The following EIF4G3 variants were observed in gnomAD, a reference collection of about 807,000 sequenced individuals.
EIF4G3 encodes the protein eukaryotic translation initiation factor 4 gamma 3.
Under a neutral mutation model 186.4 loss-of-function variants are expected in EIF4G3, and 34 were observed. The observed-to-expected ratio is 0.18, with a 90% CI of 0.14 to 0.24. The LOEUF (loss-of-function observed/expected upper bound fraction) is 0.24. Among genes scored for constraint, EIF4G3 ranks in the 10% least tolerant of loss-of-function variants. The probability of loss-of-function intolerance (pLI) is 1.00; values close to 1 mark genes in which losing one functional copy is unlikely to be tolerated. For missense variants in EIF4G3, 1,536 were observed against 1,948.5 expected, an observed-to-expected ratio of 0.79 and a Z score of 3.99; for synonymous variants, 673 against 679.5, an observed-to-expected ratio of 0.99 and a Z score of 0.15.
chr1:20,911,506 A>G (rs1341580649), intron 14 of EIF4G3, among the ~76,000 whole-genome samples: 1 of 129,694 alleles, frequency 7.7e-6, no homozygotes, highest in Admixed American at 9.3e-5. Flanking sequence ...AGTTGCAGGG[A>G]GCTATGACCG....
chr1:21,080,217 A>AG (rs2095725222), intron 3 of EIF4G3, among the ~76,000 whole-genome samples: 1 of 143,992 alleles, frequency 6.9e-6, no homozygotes, highest in Admixed American at 7.1e-5. Context: ...TGGAAAGCTA[A>AG]GGGAGGAGGG....
chr1:21,000,657 A>C (rs2083303151), intron 6 of EIF4G3, among the ~76,000 whole-genome samples: 1 of 152,096 alleles, frequency 6.6e-6, no homozygotes. Context: ...AATCAAACCT[A>C]AAACAAGAAG....
chr1:20,913,800 ATTTTTTTTTTTTTT>A (rs68098768), intron 14 of EIF4G3, among the ~76,000 whole-genome samples: 1 of 75,656 alleles, frequency 1.3e-5, no homozygotes, highest in Non-Finnish European at 2.5e-5. Context: ...AATTATTAGA[ATTTTTTTTTTTTTT>A]TTTTTTTTTT....
chr1:21,021,627 CT>C (rs1358905678), intron 4 of EIF4G3, among the ~76,000 whole-genome samples: 1 of 152,118 alleles, frequency 6.6e-6, no homozygotes, highest in Non-Finnish European at 1.5e-5. Context: ...GCAATCTCGG[CT>C]CACTGCAACC....
intron 2 of EIF4G3, among the ~76,000 whole-genome samples, chr1:21,108,040 T>C (rs7537072): frequency 0.4 from 61,427 of 152,078 alleles, 12,715 homozygotes; most frequent in Non-Finnish European, 0.43. Flanking sequence ...CCCAGCTACT[T>C]AGGAGATTGA....
At chr1:21,125,760 T>TTA (rs1021310033) in intron 2 of EIF4G3, among the ~76,000 whole-genome samples, 7 of 115,456 alleles carry the variant, frequency 6.1e-5, no homozygotes, top group African/African-American at 2.5e-4. Context: ...TATAATTTTT[T>TTA]TATATATATA....
chr1:21,140,752 C>T (rs983938571), intron 2 of EIF4G3, among the ~76,000 whole-genome samples: 1 of 152,220 alleles, frequency 6.6e-6, no homozygotes, highest in Non-Finnish European at 1.5e-5. Context: ...GAAAAGCAGA[C>T]ATATCCAGGG....
intron 14 of EIF4G3, among the ~76,000 whole-genome samples, chr1:20,924,841 T>G (rs1010176420): frequency 1.3e-5 from 2 of 152,206 alleles, no homozygotes; most frequent in Admixed American, 1.3e-4. Context: ...GGATTACAGG[T>G]GTGAACCACC....
chr1:21,131,691 A>T (rs1470148464), intron 2 of EIF4G3, among the ~76,000 whole-genome samples: 1 of 152,202 alleles, frequency 6.6e-6, no homozygotes, highest in Non-Finnish European at 1.5e-5. Flanking sequence ...CACTACTTTA[A>T]AAGAGTGTGG....
Position 20,996,501 on chromosome 1 carries a change from T to C in EIF4G3, c.177+1100A>G, listed in dbSNP as rs986023925. 8.5e-5 allele frequency among the ~76,000 whole-genome samples: 13 copies of C among 152,266 alleles called. No individual in the cohort carries two copies. The South Asian group carries it at 1.9e-3, about 22-fold the overall frequency. ...TTGCTTTGCCTTTACATCCTCCAGA[T>C]TGGAAGGAATACATTTTGAAAAACA... On this transcript the variant is annotated intron_variant, in intron 7 of 36. Coordinates refer to ENST00000602326, the MANE Select transcript of EIF4G3 (RefSeq NM_001391906.1).
intron 3 of EIF4G3, among the ~76,000 whole-genome samples, chr1:21,061,114 T>G (rs1052050192): frequency 3.3e-5 from 5 of 152,208 alleles, no homozygotes; most frequent in African/African-American, 1.2e-4. Flanking sequence ...GGGATGGATT[T>G]TAAGTTTATG....
chr1:21,040,033 A>G (rs767700541), intron 4 of EIF4G3, among the ~76,000 whole-genome samples: 5 of 152,222 alleles, frequency 3.3e-5, no homozygotes, highest in Non-Finnish European at 7.3e-5. Flanking sequence ...TTTGGTCTTC[A>G]TCCTGATTCC....
chr1:21,127,987 G>C (rs1190891428), intron 2 of EIF4G3, among the ~76,000 whole-genome samples: 2 of 150,528 alleles, frequency 1.3e-5, no homozygotes, highest in African/African-American at 4.9e-5. Flanking sequence ...GGCAGATCAC[G>C]AGGTCAGGAG....
At chr1:20,978,697 C>T (rs1446804524) in intron 10 of EIF4G3, among the ~76,000 whole-genome samples, 1 of 142,780 alleles carries the variant, frequency 7.0e-6, no homozygotes, top group Non-Finnish European at 1.5e-5. Context: ...AAAAAAAAAA[C>T]CCATGGTATG....
intron 2 of EIF4G3, 183 bp downstream of exon 2, chr1:21,175,992 C>T: frequency 3.8e-6 from 1 of 261,760 alleles, no homozygotes; most frequent in Non-Finnish European, 7.2e-6. Flanking sequence ...GTCTGGGGGT[C>T]CCCCCGCAGT....
chr1:21,102,692 TC>T, intron 2 of EIF4G3, among the ~76,000 whole-genome samples: 2 of 152,172 alleles, frequency 1.3e-5, no homozygotes, highest in South Asian at 4.1e-4. Flanking sequence ...TTCCACTCCA[TC>T]CTCCTATTTT....
At chr1:21,041,973 A>G (rs1199150006) in intron 4 of EIF4G3, among the ~76,000 whole-genome samples, 1 of 152,064 alleles carries the variant, frequency 6.6e-6, no homozygotes, top group African/African-American at 2.4e-5. Context: ...AAATTATAAC[A>G]AATTTCTTTT....
At chr1:20,820,034 C>A (rs1181715751) in intron 33 of EIF4G3, among the ~76,000 whole-genome samples, 1 of 150,892 alleles carries the variant, frequency 6.6e-6, no homozygotes, top group Non-Finnish European at 1.5e-5. Flanking sequence ...GAGCCCTGCC[C>A]CTTCTGAGTT....
Position 20,969,526 on chromosome 1 carries a change from C to G in EIF4G3, c.662G>C (p.Arg221Thr), listed in dbSNP as rs776662598. 1.2e-6 allele frequency: 2 copies of G among 1,613,956 alleles called. No individual in the cohort carries two copies. The highest frequency in any genetic ancestry group is 3.3e-5 in the Admixed American group (2 of 60,020). The change falls in exon 12 of 37, where the codon AGA becomes ACA. Residue 221 changes from arginine (R) to threonine (T), a missense_variant. Arg to Thr is a moderately conservative substitution (Grantham distance 71). Transcript: ENST00000602326. ...TEEIMSGGGS[R>T]NPTPPIGRPT... ...TCTTCCTATGGGTGGAGTAGGATTTCTGCTGCCACCTCCAGACATAATCTC... is the reference window on the plus strand; with the variant it reads ...TCTTCCTATGGGTGGAGTAGGATTTGTGCTGCCACCTCCAGACATAATCTC...
Sources: allele counts gnomAD v4.1 joint callset (sites outside exome capture counted in the v4.1 genomes callset), GRCh38; gene constraint gnomAD v4.1.1; transcripts MANE v1.5; gene names NCBI Gene and HGNC (gene_info 2026-07-23, HGNC 2026-07-21).